The following AKR1C8 variants were observed in gnomAD, a reference collection of about 807,000 sequenced individuals.
AKR1C8 encodes the protein aldo-keto reductase family 1 member C-like protein 1.
At chr10:5,137,465 A>C in the AKR1C8 span, among the ~76,000 whole-genome samples, 1 of 152,132 alleles carries the variant, frequency 6.6e-6, no homozygotes, top group Non-Finnish European at 1.5e-5. Flanking sequence ...CAATAAACGT[A>C]ATCTATCACA....
At chr10:5,163,302 C>T in the AKR1C8 span, among the ~76,000 whole-genome samples, 3 of 152,204 alleles carry the variant, frequency 2.0e-5, no homozygotes, top group Non-Finnish European at 4.4e-5. Context: ...ATATTAGACA[C>T]ACCTTATACT....
At chr10:5,181,847 C>G in the AKR1C8 span, among the ~76,000 whole-genome samples, 1 of 151,996 alleles carries the variant, frequency 6.6e-6, no homozygotes, top group East Asian at 1.9e-4. Flanking sequence ...TTGTTTTAAT[C>G]CACTTCAAAA....
the AKR1C8 span, chr10:5,154,033 A>C: frequency 3.3e-6 from 1 of 298,990 alleles, no homozygotes; most frequent in Non-Finnish European, 7.2e-6. Flanking sequence ...AAAGGCAAGC[A>C]ACCTGCAACT....
chr10:5,135,679 T>C, the AKR1C8 span, among the ~76,000 whole-genome samples: 8 of 152,184 alleles, frequency 5.3e-5, no homozygotes, highest in Non-Finnish European at 1.2e-4. Flanking sequence ...ACAAGTCTCG[T>C]TTTTGTTCAT....
the AKR1C8 span, among the ~76,000 whole-genome samples, chr10:5,118,310 CA>C: frequency 8.6e-6 from 1 of 116,282 alleles, no homozygotes; most frequent in Non-Finnish European, 2.0e-5. Context: ...CTTAAAGTTT[CA>C]AGGTAATTTC....
At chr10:5,164,619 G>A in the AKR1C8 span, among the ~76,000 whole-genome samples, 1 of 152,110 alleles carries the variant, frequency 6.6e-6, no homozygotes, top group Admixed American at 6.5e-5. Flanking sequence ...TAGGGCAGCT[G>A]CCAGCCTTAC....
At chr10:5,145,904 T>C in the AKR1C8 span, among the ~76,000 whole-genome samples, 2 of 152,066 alleles carry the variant, frequency 1.3e-5, no homozygotes, top group Non-Finnish European at 2.9e-5. Context: ...TGCACATATG[T>C]TTATTGCGGC....
At chr10:5,171,428 G>C in the AKR1C8 span, among the ~76,000 whole-genome samples, 1 of 151,996 alleles carries the variant, frequency 6.6e-6, no homozygotes, top group Non-Finnish European at 1.5e-5. Context: ...CTATAACTTT[G>C]GGACACATAC....
the AKR1C8 span, among the ~76,000 whole-genome samples, chr10:5,129,680 T>A: frequency 1.3e-5 from 2 of 151,906 alleles, no homozygotes; most frequent in African/African-American, 4.8e-5. Flanking sequence ...AGTAAATGGA[T>A]AAATTCCTAG....
the AKR1C8 span, among the ~76,000 whole-genome samples, chr10:5,181,020 C>T: frequency 1.1e-4 from 17 of 152,164 alleles, no homozygotes; most frequent in Admixed American, 6.5e-5. Context: ...TCTGGCACTC[C>T]CTTGTGAGAT....
At chr10:5,136,838 T>C in the AKR1C8 span, among the ~76,000 whole-genome samples, 2 of 152,138 alleles carry the variant, frequency 1.3e-5, no homozygotes, top group Non-Finnish European at 2.9e-5. Context: ...AAAGGTGTGA[T>C]AGCTGTACTA....
At chr10:5,160,938 C>G in the AKR1C8 span, 2 of 469,146 alleles carry the variant, frequency 4.3e-6, no homozygotes, top group Non-Finnish European at 8.8e-6. Context: ...ATGGAATTCT[C>G]CTTTCTGGTG....
chr10:5,175,938 T>G, the AKR1C8 span, among the ~76,000 whole-genome samples: 1 of 152,200 alleles, frequency 6.6e-6, no homozygotes, highest in African/African-American at 2.4e-5. Context: ...GCCTGTTCAC[T>G]CTAATGGTAG....
chr10:5,131,339 TTAAAC>T, the AKR1C8 span, among the ~76,000 whole-genome samples: 1 of 152,000 alleles, frequency 6.6e-6, no homozygotes, highest in Non-Finnish European at 1.5e-5. Flanking sequence ...TGGGACCTAA[TTAAAC>T]TAAAATAATT....
At chr10:5,160,378 G>A in the AKR1C8 span, among the ~76,000 whole-genome samples, 1 of 149,474 alleles carries the variant, frequency 6.7e-6, no homozygotes, top group East Asian at 2.0e-4. Context: ...GTTCTAGAAT[G>A]GGAAAAAAAA....
the AKR1C8 span, among the ~76,000 whole-genome samples, chr10:5,170,144 C>A: frequency 6.6e-6 from 1 of 152,122 alleles, no homozygotes; most frequent in African/African-American, 2.4e-5. Context: ...CTGTGATGGT[C>A]GGGGGACTCA....
the AKR1C8 span, among the ~76,000 whole-genome samples, chr10:5,175,637 G>A: frequency 6.6e-6 from 1 of 152,174 alleles, no homozygotes; most frequent in East Asian, 1.9e-4. Context: ...TCCAGCACCT[G>A]TTGTTTCCTG....
chr10:5,139,116 T>A, the AKR1C8 span, among the ~76,000 whole-genome samples: 1 of 152,118 alleles, frequency 6.6e-6, no homozygotes, highest in Non-Finnish European at 1.5e-5. Flanking sequence ...AAGGACCTTT[T>A]CAAGGAGAAC....
At chr10:5,126,588 G>T in the AKR1C8 span, among the ~76,000 whole-genome samples, 8 of 151,956 alleles carry the variant, frequency 5.3e-5, no homozygotes, top group Non-Finnish European at 1.0e-4. Flanking sequence ...ACCTCTACTG[G>T]CCTGGGGTGG....
Sources: gnomAD v4.1 joint callset for allele counts (sites outside exome capture counted in the v4.1 genomes callset) on GRCh38, gnomAD v4.1.1 for gene constraint, MANE v1.5 for transcripts, NCBI Gene and HGNC (gene_info 2026-07-23, HGNC 2026-07-21) for gene names.